Variants in RRAS2 observed in about 807,000 individuals in gnomAD.
RRAS2 encodes RAS related 2.
A neutral mutation model predicts 27.6 loss-of-function variants in RRAS2; 7 were observed. The observed-to-expected ratio is 0.25, with a 90% confidence interval of 0.14 to 0.48. The LOEUF (loss-of-function observed/expected upper bound fraction) is 0.48. RRAS2 is among the 20% of genes least tolerant of loss of function. The pLI is 0.99. For synonymous variants in RRAS2, 86 were observed against 90.9 expected (o/e 0.95, Z 0.31); for missense variants, 178 against 256.2 (o/e 0.69, Z 2.08).
At chr11:14,351,118 T>C (rs570300674) in intron 1 of RRAS2, among the ~76,000 whole-genome samples, 1 of 152,296 alleles carries the variant, frequency 6.6e-6, no homozygotes, top group South Asian at 2.1e-4. Context: ...ATAATTTCTG[T>C]ATTATTTCTG....
At chr11:14,297,007 G>A (rs1012290967) in intron 1 of RRAS2, among the ~76,000 whole-genome samples, 3 of 152,034 alleles carry the variant, frequency 2.0e-5, no homozygotes, top group Non-Finnish European at 2.9e-5. Context: ...CTCTAGCCTT[G>A]GTGACAGGAT....
intron 1 of RRAS2, among the ~76,000 whole-genome samples, chr11:14,352,145 T>A (rs1848968636): frequency 6.6e-6 from 1 of 152,206 alleles, no homozygotes; most frequent in South Asian, 2.1e-4. Flanking sequence ...GAATTTTACT[T>A]ACATGGATAA....
rs1008383436 is a variant in RRAS2, at chr11:14,292,903, C to A, written c.408+1568G>T. Among the ~76,000 whole-genome samples, 3 of 151,476 alleles carry A rather than the reference C, an allele frequency of 2.0e-5. No individual in the cohort carries two copies. In the South Asian group the frequency reaches 6.3e-4, roughly 32 times the overall value. On this transcript the variant is annotated intron_variant, in intron 4 of 5. Coordinates refer to ENST00000256196, the MANE Select transcript of RRAS2 (RefSeq NM_012250.6). ...TGGGTGGATCACAAGTTCAGGAGAT[C>A]GAGACCATCCTGGCTAACATGGTGA...
At chr11:14,281,167 T>C (rs931932677) in intron 5 of RRAS2, among the ~76,000 whole-genome samples, 3 of 152,230 alleles carry the variant, frequency 2.0e-5, no homozygotes, top group Non-Finnish European at 4.4e-5. Flanking sequence ...AGTTCTGCCA[T>C]TTAATATGTC....
intron 1 of RRAS2, among the ~76,000 whole-genome samples, chr11:14,303,131 C>G (rs1323161778): frequency 6.6e-6 from 1 of 152,200 alleles, no homozygotes; most frequent in Non-Finnish European, 1.5e-5. Flanking sequence ...TCAATATTCT[C>G]TTACCCTTAA....
intron 1 of RRAS2, among the ~76,000 whole-genome samples, chr11:14,351,843 C>G (rs531136051): frequency 6.9e-5 from 10 of 145,052 alleles, no homozygotes; most frequent in Admixed American, 1.4e-4. Flanking sequence ...TGCAATGAGC[C>G]GAGATTGTGC....
intron 1 of RRAS2, among the ~76,000 whole-genome samples, chr11:14,324,701 T>A (rs1848310669): frequency 6.6e-6 from 1 of 152,146 alleles, no homozygotes; most frequent in African/African-American, 2.4e-5. Context: ...ATAGCAGTTG[T>A]CTCCAATATA....
At chr11:14,329,097 A>ACG (rs1848433196) in intron 1 of RRAS2, among the ~76,000 whole-genome samples, 3 of 144,950 alleles carry the variant, frequency 2.1e-5, no homozygotes, top group Non-Finnish European at 4.6e-5. Context: ...ACACACACAC[A>ACG]CGCATATACA....
chr11:14,313,489 T>C (rs185849089), intron 1 of RRAS2, among the ~76,000 whole-genome samples: 2 of 152,178 alleles, frequency 1.3e-5, no homozygotes, highest in Non-Finnish European at 1.5e-5. Flanking sequence ...AAAAGATATA[T>C]CCAACTCCTA....
intron 1 of RRAS2, among the ~76,000 whole-genome samples, chr11:14,318,494 A>C (rs12292287): frequency 0.3 from 45,680 of 151,756 alleles, 7,745 homozygotes; most frequent in South Asian, 0.43. Flanking sequence ...CAGAGAGAGA[A>C]TCTGTCTCAA....
At chr11:14,339,303 G>T (rs1443354888) in intron 1 of RRAS2, among the ~76,000 whole-genome samples, 3 of 123,562 alleles carry the variant, frequency 2.4e-5, no homozygotes, top group Non-Finnish European at 5.1e-5. Context: ...AGGGGGGGGG[G>T]GGAAGAAAAA....
intron 1 of RRAS2, among the ~76,000 whole-genome samples, chr11:14,351,438 C>T (rs919374850): frequency 6.6e-6 from 1 of 152,084 alleles, no homozygotes; most frequent in Non-Finnish European, 1.5e-5. Flanking sequence ...TTCATGAAAG[C>T]AAATGCAGCC....
upstream of RRAS2, among the ~76,000 whole-genome samples, chr11:14,361,860 A>G (rs1849195142): frequency 6.6e-6 from 1 of 152,234 alleles, no homozygotes; most frequent in Non-Finnish European, 1.5e-5. Flanking sequence ...ATGAGTGGAT[A>G]AACAAAAAAA....
chr11:14,355,088 T>C (rs960790269), intron 1 of RRAS2, among the ~76,000 whole-genome samples: 1 of 152,064 alleles, frequency 6.6e-6, no homozygotes, highest in South Asian at 2.1e-4. Flanking sequence ...TTATTCTCCC[T>C]TCTCAAATGG....
chr11:14,315,842 A>AC (rs1848089787), intron 1 of RRAS2, among the ~76,000 whole-genome samples: 1 of 152,200 alleles, frequency 6.6e-6, no homozygotes. Context: ...AAGGAAAACA[A>AC]CTAGACCCAC....
intron 1 of RRAS2, among the ~76,000 whole-genome samples, chr11:14,307,051 C>A (rs1847846707): frequency 6.6e-6 from 1 of 151,894 alleles, no homozygotes; most frequent in South Asian, 2.1e-4. Flanking sequence ...ATTAGCAGGG[C>A]ATGATGGCAC....
chr11:14,340,049 T>TGG (rs1186249675), intron 1 of RRAS2, among the ~76,000 whole-genome samples: 2 of 149,128 alleles, frequency 1.3e-5, no homozygotes, highest in African/African-American at 4.9e-5. Flanking sequence ...AGCCAGGGTT[T>TGG]GGGGGTTGTG....
upstream of RRAS2, among the ~76,000 whole-genome samples, chr11:14,363,207 G>A (rs1849212281): frequency 6.6e-6 from 1 of 152,192 alleles, no homozygotes; most frequent in Non-Finnish European, 1.5e-5. Context: ...AGGGTCACCA[G>A]CACTCTTCTA....
intron 4 of RRAS2, among the ~76,000 whole-genome samples, chr11:14,287,885 A>G (rs1458185637): frequency 3.3e-5 from 5 of 151,788 alleles, no homozygotes; most frequent in East Asian, 1.9e-4. Flanking sequence ...AAAAAAAAAA[A>G]AAAAAGAAGA....
Sources: allele counts gnomAD v4.1 joint callset (sites outside exome capture counted in the v4.1 genomes callset), GRCh38; gene constraint gnomAD v4.1.1; transcripts MANE v1.5; gene names NCBI Gene and HGNC (gene_info 2026-07-23, HGNC 2026-07-21).